Variants in PYROXD2 observed in about 807,000 individuals in gnomAD.
PYROXD2 encodes pyridine nucleotide-disulfide oxidoreductase domain-containing protein 2.
In PYROXD2, 69 loss-of-function variants were observed where a neutral mutation model predicts 71.1. That is an observed-to-expected ratio of 0.97 (90% CI 0.80 to 1.19). The LOEUF is 1.19. Among genes scored for constraint, PYROXD2 ranks in the 50% most tolerant of loss-of-function variants. The pLI is 0.00. For synonymous variants in PYROXD2, 287 were observed against 302.7 expected, an observed-to-expected ratio of 0.95 and a Z score of 0.54; for missense variants, 745 against 748.9, an observed-to-expected ratio of 0.99 and a Z score of 0.06.
At position 98,388,514 on chromosome 10, in the gene PYROXD2, C is replaced by T. The variant is rs749186382; in HGVS notation, c.1293-6G>A. On this transcript the variant is annotated splice_region_variant and splice_polypyrimidine_tract_variant and intron_variant, in intron 12 of 15. Coordinates refer to ENST00000370575, the MANE Select transcript of PYROXD2 (RefSeq NM_032709.3). Reference sequence around the variant, plus strand: ...TGCAGAGCTCAATCACAGGCCTGTGCGGGCAGGGAGGAGACGGCAGGTCTA... The same window carrying T: ...TGCAGAGCTCAATCACAGGCCTGTGTGGGCAGGGAGGAGACGGCAGGTCTA... The T allele has an allele frequency of 4.4e-6, 7 of 1,584,582 alleles. No homozygotes were observed. Among genetic ancestry groups the T allele is most frequent in the African/African-American group, 2.7e-5 (2 of 73,558 alleles).
At chr10:98,386,858 A>C (rs993599712) in intron 14 of PYROXD2, among the ~76,000 whole-genome samples, 1 of 152,132 alleles carries the variant, frequency 6.6e-6, no homozygotes, top group African/African-American at 2.4e-5. Context: ...GTTTTTGATA[A>C]ATTGACAAGT....
rs1249760484 is a variant in PYROXD2, at chr10:98,387,283, G to T, written c.1472C>A (p.Ala491Asp). The T allele has an allele frequency of 2.5e-6, 4 of 1,614,050 alleles. No homozygotes were observed. The highest frequency in any genetic ancestry group is 8.5e-7 in the Non-Finnish European group (1 of 1,179,946). Residue 491 changes from alanine (A) to aspartate (D), a missense_variant, in exon 14 of 16, where the codon GCC (alanine) becomes GAC (aspartate). Transcript: ENST00000370575. ...AACCACAGAGTCCTTGAAGCCAGGG[G>T]CATAGACCTCGATGCAATCAAACAC... is the stretch of plus-strand genomic sequence containing the variant. ...DRVFDCIEVYAPGFKDSVVGR... is the reference protein window; with the variant it reads ...DRVFDCIEVYDPGFKDSVVGR...
Position 98,407,615 on chromosome 10 carries a change from C to T in PYROXD2, c.282G>A (p.Leu94=), listed in dbSNP as rs1564810042. Residue 94 remains leucine (L), a synonymous_variant, in exon 4 of 16, where the codon CTG becomes CTA. Coordinates refer to ENST00000370575, the MANE Select transcript of PYROXD2 (RefSeq NM_032709.3). Reference sequence around the variant, plus strand: ...CCAGATCAGTGTAAATCTGCGGCCTCAGCAGGCTGAGCAGGTAGGACGCGC... The same window carrying T: ...CCAGATCAGTGTAAATCTGCGGCCTTAGCAGGCTGAGCAGGTAGGACGCGC... ...FSRASYLLSL[L]RPQIYTDLEL... is the part of the protein sequence containing the mutation. The T allele has an allele frequency of 1.2e-6, 2 of 1,614,024 alleles. No individual in the cohort carries two copies. The highest frequency in any genetic ancestry group is 1.7e-4 in the Middle Eastern group (1 of 6,060).
At chr10:98,402,938 G>C (rs17109657) in intron 4 of PYROXD2, among the ~76,000 whole-genome samples, 23,147 of 152,258 alleles carry the variant, frequency 0.15, 2,372 homozygotes, top group African/African-American at 0.29. Context: ...ATGAATGCTA[G>C]GTTGCAGACA....
Position 98,397,355 on chromosome 10 carries a change from C to T in PYROXD2, c.615G>A (p.Leu205=), listed in dbSNP as rs2135974675. The T allele has an allele frequency of 6.3e-7, 1 of 1,599,932 alleles. No homozygotes were observed. Among genetic ancestry groups the T allele is most frequent in the South Asian group, 1.1e-5 (1 of 89,550 alleles). Residue 205 remains leucine, a synonymous_variant, in exon 6 of 16, where the codon CTG becomes CTA. Transcript: ENST00000370575. ...TGCACTTGGACTTACCTGCCTTCAG[C>T]AGGGGCTTGAGGGTGGAGAGCGACC... ...RMRSLSTLKP[L]LKAGRILGAQ...
intron 1 of PYROXD2, 119 bp from the exon 2 acceptor site, chr10:98,411,077 C>A: frequency 7.2e-7 from 1 of 1,381,112 alleles, no homozygotes; most frequent in Non-Finnish European, 9.9e-7. Context: ...CCTTGGTGAC[C>A]CTCCCCTCCC....
In PYROXD2 at chr10:98,384,975, C is replaced by A; in HGVS notation, c.1647G>T (p.Leu549=). The A allele has an allele frequency of 6.2e-7, 1 of 1,613,530 alleles. No individual in the cohort carries two copies. Residue 549 remains leucine, a synonymous_variant, in exon 15 of 16, where the codon CTG becomes CTT. Transcript: ENST00000370575. ...GATGAGCCCCACTTCCACAGAGATA[C>A]AGGCCCTGGAGAGGGCAGCGGTAGC... ...HSGYRCPLQG[L]YLCGSGAHPG...
At chr10:98,409,058 C>T (rs1271458058) in intron 2 of PYROXD2, among the ~76,000 whole-genome samples, 1 of 152,220 alleles carries the variant, frequency 6.6e-6, no homozygotes, top group African/African-American at 2.4e-5. Flanking sequence ...AAAGAAACAG[C>T]AGCTGTCACT....
intron 10 of PYROXD2, among the ~76,000 whole-genome samples, chr10:98,391,941 A>C (rs1190994957): frequency 1.3e-5 from 2 of 152,220 alleles, no homozygotes; most frequent in African/African-American, 4.8e-5. Flanking sequence ...CCCACAGCCA[A>C]CTGCAGACGC....
At chr10:98,396,334 C>T (rs1465429696) in intron 6 of PYROXD2, among the ~76,000 whole-genome samples, 1 of 152,184 alleles carries the variant, frequency 6.6e-6, no homozygotes, top group Non-Finnish European at 1.5e-5. Context: ...TGTGCTTCTA[C>T]AAGGAGGACG....
chr10:98,403,347 G>T (rs575733053), intron 4 of PYROXD2, among the ~76,000 whole-genome samples: 2 of 152,292 alleles, frequency 1.3e-5, no homozygotes, highest in African/African-American at 4.8e-5. Flanking sequence ...TTTGGGAACC[G>T]CTGCAGCGGC....
chr10:98,406,532 C>T (rs1208581773), intron 4 of PYROXD2, among the ~76,000 whole-genome samples: 1 of 152,228 alleles, frequency 6.6e-6, no homozygotes, highest in African/African-American at 2.4e-5. Flanking sequence ...CCAGTTAGAG[C>T]AGCCAAAGAG....
chr10:98,383,933 A>G (rs1301851319), intron 15 of PYROXD2, 65 bp from the exon 16 acceptor site: 1 of 1,413,158 alleles, frequency 7.1e-7, no homozygotes, highest in East Asian at 2.3e-5. Context: ...GGGTGGGGAC[A>G]GGGCTTACAG....
In PYROXD2 at chr10:98,390,762, A is replaced by G; in HGVS notation, c.1136-8T>C. ...GCAGCCTGTCTACGGCCACTGAGGG[A>G]CCAAAGAGGAGGGTCAGGTCTTAGC... On this transcript the variant is annotated splice_polypyrimidine_tract_variant and splice_region_variant and intron_variant, in intron 11 of 15. Transcript: ENST00000370575. The G allele has an allele frequency of 6.3e-7, 1 of 1,576,364 alleles. No individual in the cohort carries two copies. Among genetic ancestry groups the G allele is most frequent in the African/African-American group, 1.3e-5 (1 of 74,314 alleles).
rs1782155991 is a variant in PYROXD2, at chr10:98,403,918, T to G, written c.316-3661A>C. ...ATGGACTGAATGAACGAATAAACCCTCCAAATCAGGGACCTAAGAGGAATC... is the reference window on the plus strand; with the variant it reads ...ATGGACTGAATGAACGAATAAACCCGCCAAATCAGGGACCTAAGAGGAATC... On this transcript the variant is annotated intron_variant, in intron 4 of 15. Coordinates refer to ENST00000370575, the MANE Select transcript of PYROXD2 (RefSeq NM_032709.3). Among the ~76,000 whole-genome samples, 3 of 152,284 alleles carry G rather than the reference T, an allele frequency of 2.0e-5. No homozygotes were observed. The South Asian group carries it at 6.2e-4, about 32-fold the overall frequency.
In PYROXD2 at chr10:98,395,425, C is replaced by T. The variant is rs759189939; in HGVS notation, c.653G>A (p.Arg218Gln). 8.7e-6 allele frequency: 14 copies of T among 1,614,096 alleles called. No homozygotes were observed. The highest frequency in any genetic ancestry group is 2.2e-5 in the South Asian group (2 of 91,088). The change falls in exon 7 of 16, where the codon CGA becomes CAA. Residue 218 changes from arginine (R) to glutamine (Q), a missense_variant. By Grantham distance (43) the Arg-to-Gln change is conservative. Coordinates refer to ENST00000370575, the MANE Select transcript of PYROXD2 (RefSeq NM_032709.3). ...AGRILGAQLPRYYEVLTAPIT... is the reference protein window; with the variant it reads ...AGRILGAQLPQYYEVLTAPIT... ...GGGAGCTGTGAGGACCTCATAATATCGGGGAAGCTGGGCTCCCAGGATGCG... is the reference window on the plus strand; with the variant it reads ...GGGAGCTGTGAGGACCTCATAATATTGGGGAAGCTGGGCTCCCAGGATGCG...
At chr10:98,385,705 G>A (rs550331816) in intron 14 of PYROXD2, among the ~76,000 whole-genome samples, 53 of 152,180 alleles carry the variant, frequency 3.5e-4, no homozygotes, top group East Asian at 1.5e-3. Context: ...CTCTTCCCTC[G>A]AGTCTGCTCC....
chr10:98,398,322 A>C (rs533191499), intron 5 of PYROXD2, among the ~76,000 whole-genome samples: 35 of 152,032 alleles, frequency 2.3e-4, no homozygotes, highest in African/African-American at 6.3e-4. Flanking sequence ...ACAAGCTCCC[A>C]TGTCAGAATC....
At chr10:98,407,261 T>C (rs1415779551) in intron 4 of PYROXD2, among the ~76,000 whole-genome samples, 1 of 152,156 alleles carries the variant, frequency 6.6e-6, no homozygotes, top group Non-Finnish European at 1.5e-5. Flanking sequence ...CGGGCTCATG[T>C]CCCAAGGCAG....
Sources: allele counts gnomAD v4.1 joint callset (sites outside exome capture counted in the v4.1 genomes callset), GRCh38; gene constraint gnomAD v4.1.1; transcripts MANE v1.5; gene names NCBI Gene and HGNC (gene_info 2026-07-23, HGNC 2026-07-21).